The following RCC1 variants were observed in gnomAD, a reference collection of about 807,000 sequenced individuals.
RCC1 encodes regulator of chromosome condensation.
RCC1 carries 11 observed loss-of-function variants against 44.4 expected under a neutral mutation model. That is an observed-to-expected ratio of 0.25 (90% confidence interval 0.16 to 0.41). RCC1 has a LOEUF of 0.41. RCC1 is among the 10% of genes least tolerant of loss of function. The pLI is 1.00. For missense variants in RCC1, 386 were observed against 547.1 expected (o/e 0.71, Z 2.94); for synonymous variants, 213 against 216.5 (o/e 0.98, Z 0.14).
intron 4 of RCC1, among the ~76,000 whole-genome samples, chr1:28,527,585 T>TC (rs1485222503): frequency 1.4e-4 from 21 of 152,196 alleles, no homozygotes; most frequent in African/African-American, 4.8e-4. Context: ...ATAGCTCTTC[T>TC]CCCCCTCTGA....
intron 4 of RCC1, among the ~76,000 whole-genome samples, chr1:28,522,262 TC>T (rs1421337358): frequency 5.9e-5 from 9 of 152,106 alleles, no homozygotes; most frequent in African/African-American, 2.2e-4. Context: ...GGGAAGGCGT[TC>T]CAGGTAAAGA....
chr1:28,536,016 C>T lies in RCC1; in HGVS notation c.807C>T (p.Tyr269=), dbSNP rs756678713. Residue 269 remains tyrosine (Y), a synonymous_variant, in exon 10 of 13, where the codon TAC becomes TAT. Coordinates refer to ENST00000683442, the MANE Select transcript of RCC1 (RefSeq NM_001381865.2). The surrounding 1 kb of genome is among the most constrained non-coding windows in gnomAD (Gnocchi z 4.9). ...GHVYGFGLSN[Y]HQLGTPGTES... ...TGTACGGCTTCGGCCTCTCCAACTACCATCAGCTTGGTGAGCCCCGAGCCC... is the reference window on the plus strand; with the variant it reads ...TGTACGGCTTCGGCCTCTCCAACTATCATCAGCTTGGTGAGCCCCGAGCCC... 5 of 1,609,000 alleles carry T rather than the reference C, an allele frequency of 3.1e-6. No homozygotes were observed. The highest frequency in any genetic ancestry group is 4.2e-6 in the Non-Finnish European group (5 of 1,176,934).
At chr1:28,530,671 G>T (rs1170513219) in intron 5 of RCC1, 8 of 1,444,566 alleles carry the variant, frequency 5.5e-6, no homozygotes, top group Non-Finnish European at 7.5e-6. Flanking sequence ...CTCAGCGGTG[G>T]CCACATCCTC....
chr1:28,508,668 T>A, intron 2 of RCC1, 162 bp from the exon 3 acceptor site: 1 of 519,078 alleles, frequency 1.9e-6, no homozygotes, highest in South Asian at 1.4e-5. Context: ...ACGTTGAAGA[T>A]GAAGCTGGGC....
At chr1:28,506,419 C>T (rs1430794865) in intron 1 of RCC1, 1 of 340,666 alleles carries the variant, frequency 2.9e-6, no homozygotes, top group Non-Finnish European at 5.8e-6. Flanking sequence ...TCCTGATTTC[C>T]GGTGATCCAC....
rs191395216 is a variant in RCC1 at position 28,522,066 on chromosome 1, G to A, written c.-10+5199G>A. On this transcript the variant is annotated intron_variant, in intron 4 of 12. Coordinates refer to ENST00000683442, the MANE Select transcript of RCC1 (RefSeq NM_001381865.2). The stretch of plus-strand genomic sequence containing the variant: ...ATATGGAAGATACAGTGAGTTAGCC[G>A]GTGCCCCCAGGGGCTCATATTTTAG... Among the ~76,000 whole-genome samples, 178 of 152,310 alleles carry A rather than the reference G, an allele frequency of 1.2e-3. 1 individual carries two copies. The highest frequency in any genetic ancestry group is 3.7e-4 in the Non-Finnish European group (25 of 68,026).
chr1:28,511,102 G>A (rs1226460224), intron 3 of RCC1, among the ~76,000 whole-genome samples: 1 of 152,144 alleles, frequency 6.6e-6, no homozygotes, highest in African/African-American at 2.4e-5. Flanking sequence ...CTTGTTCTTT[G>A]TGTAGGCAGA....
Position 28,538,054 on chromosome 1 carries a change from A to G in RCC1, c.*47A>G. ...TTCTGTCCTGCACAACCTCCCTCACAGAACAGGGAAGCAGTGACAGCTGCA... is the reference window on the plus strand; with the variant it reads ...TTCTGTCCTGCACAACCTCCCTCACGGAACAGGGAAGCAGTGACAGCTGCA... On this transcript the variant is annotated 3_prime_UTR_variant, in exon 13 of 13. Transcript: ENST00000683442. 6.4e-7 allele frequency: 1 copy of G among 1,564,148 alleles called. No individual in the cohort carries two copies. The highest frequency in any genetic ancestry group is 8.7e-7 in the Non-Finnish European group (1 of 1,149,898).
At position 28,528,058 on chromosome 1, in the gene RCC1, G is replaced by A. The variant is rs188351513; in HGVS notation, c.-9-1800G>A. On this transcript the variant is annotated intron_variant, in intron 4 of 12. Transcript: ENST00000683442. ...TAATCGGCTGTACGCAGTGGCTCAC[G>A]CCTGTAATCCCAGGACTTCGGGAGG... Among the ~76,000 whole-genome samples, 1,199 of 150,704 alleles carry A rather than the reference G, an allele frequency of 8.0e-3. 5 individuals carry two copies. The highest frequency in any genetic ancestry group is 0.013 in the Non-Finnish European group (891 of 67,768).
chr1:28,533,695 G>A (rs1167687256), intron 7 of RCC1, among the ~76,000 whole-genome samples: 27 of 139,498 alleles, frequency 1.9e-4, no homozygotes, highest in Non-Finnish European at 4.0e-4. Context: ...GTTTGAACCT[G>A]GGAGGCGGAG....
intron 1 of RCC1, chr1:28,506,729 T>G (rs1661971072): frequency 1.3e-5 from 2 of 155,458 alleles, no homozygotes. Context: ...TGGATCCTCA[T>G]TTGCCTTTAA....
At chr1:28,533,242 T>C (rs1193108160) in intron 7 of RCC1, among the ~76,000 whole-genome samples, 1 of 148,494 alleles carries the variant, frequency 6.7e-6, no homozygotes, top group Non-Finnish European at 1.5e-5. Context: ...GATGCCAAGA[T>C]GGGCAGATCA....
chr1:28,528,805 C>T (rs868744752), intron 4 of RCC1, among the ~76,000 whole-genome samples: 27 of 99,928 alleles, frequency 2.7e-4, no homozygotes, highest in African/African-American at 6.6e-4. Context: ...CATTTTTTTT[C>T]CAAAAAAAAA....
chr1:28,508,647 CCCTTT>C lies in RCC1; in HGVS notation c.-228-180_-228-176del, dbSNP rs1276901302. 3.9e-6 allele frequency: 2 copies of C among 518,988 alleles called. 1 individual carries two copies. The highest frequency in any genetic ancestry group is 7.7e-6 in the Non-Finnish European group (2 of 259,954). The allele number at this position is 518,988 out of a possible 1,614,324, so 32.1% of individuals were successfully genotyped here. A position where few individuals can be genotyped will look rare whatever the true frequency, so the allele number is the denominator to read the frequency against. On this transcript the variant is annotated intron_variant, in intron 2 of 12. Coordinates refer to ENST00000683442, the MANE Select transcript of RCC1 (RefSeq NM_001381865.2). ...AGGGCTCTGCCCCATGATGTACAGTCCCTTTCCACAACGTTGAAGATGAAGCTGGG... is the reference window on the plus strand; with the variant it reads ...AGGGCTCTGCCCCATGATGTACAGTCCCACAACGTTGAAGATGAAGCTGGG...
In RCC1 at chr1:28,536,266, T is replaced by C. The variant is rs754356702; in HGVS notation, c.822T>C (p.Thr274=). The C allele has an allele frequency of 6.2e-7, 1 of 1,614,012 alleles. No homozygotes were observed. Among genetic ancestry groups the C allele is most frequent in the Non-Finnish European group, 8.5e-7 (1 of 1,179,942 alleles). ...FGLSNYHQLG[T]PGTESCFIPQ... The stretch of plus-strand genomic sequence containing the variant: ...TGGCTCCGGCCTTTCCCCCAGGAAC[T>C]CCGGGCACAGAATCTTGCTTCATAC... The change falls in exon 11 of 13, where the codon ACT becomes ACC. Residue 274 remains threonine (T), a synonymous_variant. Coordinates refer to ENST00000683442, the MANE Select transcript of RCC1 (RefSeq NM_001381865.2). This position sits in a 1 kb window ranked among gnomAD's most constrained non-coding sequence, Gnocchi z 4.9.
chr1:28,519,933 C>T (rs927781686), intron 4 of RCC1, among the ~76,000 whole-genome samples: 5 of 151,036 alleles, frequency 3.3e-5, no homozygotes, highest in Non-Finnish European at 2.9e-5. Flanking sequence ...AGTATAGTGT[C>T]GTGCTCTCAG....
intron 7 of RCC1, among the ~76,000 whole-genome samples, chr1:28,533,222 A>G (rs1262887655): frequency 1.3e-5 from 2 of 152,174 alleles, no homozygotes; most frequent in Non-Finnish European, 2.9e-5. Context: ...CTGTAATCCC[A>G]GCACTTTGGG....
In RCC1 at chr1:28,536,941, G is replaced by T. The variant is rs1664593044; in HGVS notation, c.1090+42G>T. 6.2e-7 allele frequency: 1 copy of T among 1,609,564 alleles called. No individual in the cohort carries two copies. Among genetic ancestry groups the T allele is most frequent in the Non-Finnish European group, 8.5e-7 (1 of 1,176,872 alleles). ...ACACTCTGTCTAGTTGGGACCTGGG[G>T]GTCATGGTTCTTACCCAATTCCCCA... is the stretch of plus-strand genomic sequence containing the variant. On this transcript the variant is annotated intron_variant, in intron 12 of 12. Coordinates refer to ENST00000683442, the MANE Select transcript of RCC1 (RefSeq NM_001381865.2). The surrounding 1 kb of genome is among the most constrained non-coding windows in gnomAD (Gnocchi z 4.9).
intron 6 of RCC1, 81 bp from the exon 7 acceptor site, chr1:28,532,090 G>A: frequency 6.4e-7 from 1 of 1,571,072 alleles, no homozygotes; most frequent in Non-Finnish European, 8.7e-7. Flanking sequence ...AAATGGAGCT[G>A]GCTAGTCAAG....
Sources: allele counts gnomAD v4.1 joint callset (sites outside exome capture counted in the v4.1 genomes callset), GRCh38; gene constraint gnomAD v4.1.1; non-coding constraint Gnocchi (gnomAD v3.1); transcripts MANE v1.5; gene names NCBI Gene and HGNC (gene_info 2026-07-23, HGNC 2026-07-21).